The following DIXDC1 variants were observed in gnomAD, a reference collection of about 807,000 sequenced individuals.
DIXDC1 encodes dixin.
DIXDC1 carries 64 observed loss-of-function variants against 103.1 expected under a neutral mutation model. The ratio of observed to expected loss-of-function variants is 0.62; its 90% CI spans 0.51 to 0.76. The LOEUF (loss-of-function observed/expected upper bound fraction) is 0.76, where lower values mean the gene tolerates loss of function less well. DIXDC1 is among the 30% of genes least tolerant of loss of function. DIXDC1 has a pLI of 0.00. For missense variants in DIXDC1, 759 were observed against 834.2 expected (o/e 0.91, Z 1.11); for synonymous variants, 266 against 298.5 (o/e 0.89, Z 1.12).
At chr11:111,937,222 T>G, upstream of DIXDC1, 2 of 1,133,596 alleles carry the variant, frequency 1.8e-6, no homozygotes, top group African/African-American at 1.7e-5. Context: ...AAAGCGGGGC[T>G]GGGGGCAGCC....
At chr11:111,990,885 T>C (rs981349873) in intron 10 of DIXDC1, among the ~76,000 whole-genome samples, 1 of 152,118 alleles carries the variant, frequency 6.6e-6, no homozygotes, top group Non-Finnish European at 1.5e-5. Flanking sequence ...TTTTGTGTTT[T>C]TGGTAGAGAC....
At chr11:111,985,342 T>C in intron 8 of DIXDC1, 21 bp downstream of exon 8, 1 of 1,586,804 alleles carries the variant, frequency 6.3e-7, no homozygotes. Context: ...TCTTTTGTGA[T>C]TGGACACTAA....
chr11:111,932,507 A>G (rs1555167761), upstream of DIXDC1, among the ~76,000 whole-genome samples: 1 of 150,944 alleles, frequency 6.6e-6, no homozygotes, highest in South Asian at 2.1e-4. Context: ...AATGGCGTGA[A>G]CCTGGGAGGT....
Position 111,929,583 on chromosome 11 carries a change from T to TAA in DIXDC1, c.-36-214_-36-213dup, listed in dbSNP as rs587666008. On this transcript the variant is annotated intron_variant, in intron 1 of 5. Coordinates refer to the DIXDC1 transcript ENST00000529225. ...GAGTGCCGGAGTGAGACCTTATCTC[T>TAA]AAAAAAAAAAAAAAAAAAAAAAGTA... Among the ~76,000 whole-genome samples, 741 of 90,564 alleles carry TAA rather than the reference T, an allele frequency of 8.2e-3. 5 individuals are homozygous for TAA. The highest frequency in any genetic ancestry group is 0.038 in the Middle Eastern group (7 of 184). The allele number at this position is 90,564 out of a possible 152,430, so 59.4% of individuals were successfully genotyped here.
At chr11:111,973,857 T>A (rs1475507538) in intron 3 of DIXDC1, among the ~76,000 whole-genome samples, 166 bp from the exon 4 acceptor site, 1 of 152,252 alleles carries the variant, frequency 6.6e-6, no homozygotes, top group Non-Finnish European at 1.5e-5. Flanking sequence ...ATTGCTGTTA[T>A]ATATTCGGTC....
At position 111,998,654 on chromosome 11, in the gene DIXDC1, C is replaced by A. The variant is rs1860974596; in HGVS notation, c.1756+2508C>A. 1.3e-5 allele frequency among the ~76,000 whole-genome samples: 2 copies of A among 152,100 alleles called. No homozygotes were observed. Among genetic ancestry groups the A allele is most frequent in the South Asian group, 4.2e-4 (2 of 4,818 alleles). On this transcript the variant is annotated intron_variant, in intron 17 of 19. Coordinates refer to ENST00000440460, the MANE Select transcript of DIXDC1 (RefSeq NM_001037954.4). The surrounding 1 kb of genome is among the most constrained non-coding windows in gnomAD (Gnocchi z 4.1). ...TGCCTCCAGGGTTCAAGTGATTCTC[C>A]TGCCTCAGCCTCCTGATTACAGGCG...
chr11:112,016,468 G>A (rs1465894791), intron 17 of DIXDC1, among the ~76,000 whole-genome samples: 1 of 152,102 alleles, frequency 6.6e-6, no homozygotes, highest in East Asian at 1.9e-4. Context: ...CCCCTACTAT[G>A]AGTGAGGAGT....
At chr11:111,981,617 A>C (rs1054703298) in intron 6 of DIXDC1, among the ~76,000 whole-genome samples, 2 of 152,242 alleles carry the variant, frequency 1.3e-5, no homozygotes, top group African/African-American at 4.8e-5. Flanking sequence ...CAGGCCCTGC[A>C]CATAAGTTAC....
intron 6 of DIXDC1, 104 bp from the exon 7 acceptor site, chr11:111,982,235 C>T: frequency 7.7e-7 from 1 of 1,303,808 alleles, no homozygotes; most frequent in Non-Finnish European, 1.0e-6. Flanking sequence ...AGAACAGGTT[C>T]AGAACGCAGG....
intron 7 of DIXDC1, among the ~76,000 whole-genome samples, chr11:111,982,891 TAATGCTGCCAGG>T (rs1860364351): frequency 6.6e-6 from 1 of 152,240 alleles, no homozygotes; most frequent in Admixed American, 6.5e-5. Context: ...TAAGAGCCAG[TAATGCTGCCAGG>T]TTTCCATTTG....
chr11:111,961,428 C>T (rs782033467), intron 1 of DIXDC1, among the ~76,000 whole-genome samples: 1 of 152,206 alleles, frequency 6.6e-6, no homozygotes, highest in Non-Finnish European at 1.5e-5. Flanking sequence ...TTTTGTGTCT[C>T]TGTTTTCAAT....
chr11:111,937,117 TGCTGCGGCCCGGGCGGGGG>T, upstream of DIXDC1: 1 of 644,950 alleles, frequency 1.6e-6, no homozygotes, highest in Non-Finnish European at 1.9e-6. Context: ...CACACGCCCG[TGCTGCGGCCCGGGCGGGGG>T]GGGGGTGTGC....
chr11:111,948,130 A>C (rs1401058214), intron 1 of DIXDC1, among the ~76,000 whole-genome samples: 2 of 152,206 alleles, frequency 1.3e-5, no homozygotes, highest in Non-Finnish European at 2.9e-5. Flanking sequence ...CAGTTCCTGG[A>C]CTGTCCCCAC....
chr11:111,965,742 G>T (rs1859707253), intron 2 of DIXDC1, among the ~76,000 whole-genome samples: 2 of 152,078 alleles, frequency 1.3e-5, no homozygotes, highest in East Asian at 1.9e-4. Context: ...ATAGTACTTA[G>T]TATGAGTCAA....
intron 1 of DIXDC1, among the ~76,000 whole-genome samples, chr11:111,963,336 A>T (rs1456187969): frequency 6.6e-6 from 1 of 152,160 alleles, no homozygotes; most frequent in Non-Finnish European, 1.5e-5. Flanking sequence ...CCTCCTCCTG[A>T]TCGTTGCACT....
At position 111,995,052 on chromosome 11, in the gene DIXDC1, A is replaced by G. The variant is rs781851274; in HGVS notation, c.1471A>G (p.Asn491Asp). The G allele has an allele frequency of 1.2e-6, 2 of 1,613,690 alleles. No individual in the cohort carries two copies. The highest frequency in any genetic ancestry group is 2.2e-5 in the East Asian group (1 of 44,902). The change falls in exon 15 of 20, where the codon AAT becomes GAT. Residue 491 changes from asparagine (N) to aspartate (D), a missense_variant. By Grantham distance (23) the Asn-to-Asp change is conservative (BLOSUM62 1). This residue lies in a region of DIXDC1 where 657 missense variants were observed against 727.5 expected (regional missense o/e 0.90). Transcript: ENST00000440460. ...CTACAACAGTCACAACTCTCAAAGC[A>G]ATGGTTTTCTCCTTCCAACGGCAGG... ...TNYNSHNSQSNGFLLPTAGKG... is the reference protein window; with the variant it reads ...TNYNSHNSQSDGFLLPTAGKG...
chr11:112,013,323 G>GT (rs1247619050), intron 17 of DIXDC1, among the ~76,000 whole-genome samples: 2 of 133,578 alleles, frequency 1.5e-5, no homozygotes, highest in African/African-American at 5.9e-5. Context: ...TCGGGGGGTG[G>GT]GGGTGGGGTG....
At chr11:111,969,017 A>G (rs1457336910) in intron 3 of DIXDC1, among the ~76,000 whole-genome samples, 2 of 151,336 alleles carry the variant, frequency 1.3e-5, no homozygotes, top group African/African-American at 2.4e-5. Context: ...CAAGTGATCT[A>G]CCCGCCTCGC....
At chr11:111,994,918 T>C (rs1315293265) in intron 14 of DIXDC1, 101 bp from the exon 15 acceptor site, 13 of 1,073,002 alleles carry the variant, frequency 1.2e-5, no homozygotes, top group Non-Finnish European at 1.6e-5. Flanking sequence ...GACAATTATA[T>C]ACTTCATCAG....
Sources: gnomAD v4.1 joint callset for allele counts (sites outside exome capture counted in the v4.1 genomes callset) on GRCh38, gnomAD v4.1.1 for gene constraint, gnomAD v4.1.1 regional missense constraint, Gnocchi (gnomAD v3.1) non-coding constraint, MANE v1.5 for transcripts, NCBI Gene and HGNC (gene_info 2026-07-23, HGNC 2026-07-21) for gene names.